The following RBFOX1 variants were observed in gnomAD, a reference collection of about 807,000 sequenced individuals.
The protein encoded by RBFOX1 is RNA binding protein fox-1 homolog 1.
A neutral mutation model predicts 57.7 loss-of-function variants in RBFOX1; 8 were observed. The ratio of observed to expected loss-of-function variants is 0.14; its 90% CI spans 0.08 to 0.25. RBFOX1 has a LOEUF of 0.25. RBFOX1 is among the 10% of genes least tolerant of loss of function. The pLI is 1.00. For missense variants in RBFOX1, 611 were observed against 548.5 expected, an observed-to-expected ratio of 1.11 and a Z score of -1.14; for synonymous variants, 326 against 222.4, an observed-to-expected ratio of 1.47 and a Z score of -4.15.
At chr16:6,458,026 C>G (rs942798246) in intron 2 of RBFOX1, among the ~76,000 whole-genome samples, 3 of 146,682 alleles carry the variant, frequency 2.0e-5, no homozygotes, top group African/African-American at 7.5e-5. Context: ...AAAAAAGAAT[C>G]TCTTTGATGT....
chr16:6,128,305 A>C (rs2096604661), intron 1 of RBFOX1, among the ~76,000 whole-genome samples: 1 of 152,172 alleles, frequency 6.6e-6, no homozygotes, highest in Non-Finnish European at 1.5e-5. Flanking sequence ...TATATCTTAC[A>C]TTATGTTTTT....
At chr16:6,982,329 A>G (rs992998808) in intron 3 of RBFOX1, among the ~76,000 whole-genome samples, 24 of 152,086 alleles carry the variant, frequency 1.6e-4, no homozygotes, top group African/African-American at 5.8e-4. Context: ...ACCCATTCCC[A>G]TTGTTGGCCA....
chr16:6,967,661 A>G (rs1357515718), intron 3 of RBFOX1, among the ~76,000 whole-genome samples: 1 of 151,902 alleles, frequency 6.6e-6, no homozygotes, highest in Non-Finnish European at 1.5e-5. Context: ...CAGTAATTAT[A>G]TTGCTCTTCT....
chr16:6,725,276 C>T (rs9934913), intron 3 of RBFOX1, among the ~76,000 whole-genome samples: 5,292 of 151,830 alleles, frequency 0.035, 290 homozygotes, highest in Admixed American at 0.12. Context: ...TGGTCTGGAT[C>T]TCCTGACCTC....
rs541602318 is a variant in RBFOX1 at position 5,342,941 on chromosome 16, C to T, written c.219+102836C>T. Among the ~76,000 whole-genome samples the T allele has an allele frequency of 9.3e-4, 141 of 152,220 alleles. 1 individual carries two copies. The highest frequency in any genetic ancestry group is 2.4e-3 in the African/African-American group (101 of 41,524). On this transcript the variant is annotated intron_variant, in intron 1 of 2. Transcript: ENST00000585867. Reference sequence around the variant, plus strand: ...CAAGCCAAGATGAGTTCTAATTAGACCTAAGCCATCTGGGTAATTTCTCTT... The same window carrying T: ...CAAGCCAAGATGAGTTCTAATTAGATCTAAGCCATCTGGGTAATTTCTCTT...
intron 3 of RBFOX1, among the ~76,000 whole-genome samples, chr16:6,931,926 G>C (rs2076626739): frequency 6.6e-6 from 1 of 152,154 alleles, no homozygotes; most frequent in African/African-American, 2.4e-5. Flanking sequence ...CGAGGAGTAA[G>C]CAAGAGAACC....
At chr16:5,768,711 G>A (rs76906798) in intron 3 of RBFOX1, among the ~76,000 whole-genome samples, 6,470 of 152,186 alleles carry the variant, frequency 0.043, 209 homozygotes, top group East Asian at 0.11. Context: ...CCCAGCCCAC[G>A]TAGGTGCTGT....
intron 1 of RBFOX1, among the ~76,000 whole-genome samples, chr16:5,377,130 A>T (rs895737610): frequency 1.3e-5 from 2 of 151,632 alleles, no homozygotes; most frequent in African/African-American, 4.9e-5. Flanking sequence ...AGTTGAAAGC[A>T]CTGGTTGAGC....
intron 3 of RBFOX1, among the ~76,000 whole-genome samples, chr16:6,956,677 C>G (rs1026161842): frequency 6.6e-6 from 1 of 152,198 alleles, no homozygotes; most frequent in East Asian, 1.9e-4. Flanking sequence ...TTATCTATTG[C>G]ATCATATCAA....
intron 5 of RBFOX1, among the ~76,000 whole-genome samples, chr16:7,564,103 A>C (rs1340905784): frequency 6.6e-6 from 1 of 152,130 alleles, no homozygotes; most frequent in Non-Finnish European, 1.5e-5. Flanking sequence ...TGTAACCACC[A>C]AAGGGATGGT....
At chr16:7,453,931 G>T (rs9922253) in intron 4 of RBFOX1, among the ~76,000 whole-genome samples, 2 of 151,762 alleles carry the variant, frequency 1.3e-5, no homozygotes, top group Non-Finnish European at 2.9e-5. Context: ...TCTGGTAGGG[G>T]GATTAAGAAA....
intron 4 of RBFOX1, among the ~76,000 whole-genome samples, chr16:5,978,581 A>G (rs185184286): frequency 6.6e-6 from 1 of 152,220 alleles, no homozygotes; most frequent in Admixed American, 6.5e-5. Flanking sequence ...ATCCAAGTCC[A>G]GGTACCACAT....
intron 1 of RBFOX1, among the ~76,000 whole-genome samples, chr16:5,255,405 C>T (rs2062567453): frequency 6.6e-6 from 1 of 151,984 alleles, no homozygotes; most frequent in Non-Finnish European, 1.5e-5. Flanking sequence ...TCCATCCACC[C>T]ACCTACCCAT....
intron 3 of RBFOX1, among the ~76,000 whole-genome samples, chr16:5,839,756 A>G (rs1364343750): frequency 6.6e-6 from 1 of 152,100 alleles, no homozygotes; most frequent in African/African-American, 2.4e-5. Flanking sequence ...ACAACCTCCC[A>G]CTGTGTTTCA....
intron 4 of RBFOX1, among the ~76,000 whole-genome samples, chr16:7,142,212 T>C (rs780991386): frequency 6.6e-6 from 1 of 152,014 alleles, no homozygotes. Flanking sequence ...TTTGTAAAGA[T>C]GGGGTTTCAT....
intron 3 of RBFOX1, among the ~76,000 whole-genome samples, chr16:7,004,756 C>A (rs1277230391): frequency 6.6e-6 from 1 of 152,114 alleles, no homozygotes; most frequent in African/African-American, 2.4e-5. Context: ...CTGTGAGACA[C>A]CAAGGATTGG....
intron 5 of RBFOX1, among the ~76,000 whole-genome samples, chr16:7,525,047 T>C (rs1345278089): frequency 6.6e-6 from 1 of 152,204 alleles, no homozygotes; most frequent in Non-Finnish European, 1.5e-5. Flanking sequence ...AATGAGTTAC[T>C]AATACCTTAT....
intron 3 of RBFOX1, among the ~76,000 whole-genome samples, chr16:6,714,434 T>C (rs905016092): frequency 1.3e-5 from 2 of 152,138 alleles, no homozygotes; most frequent in East Asian, 3.9e-4. Flanking sequence ...GACCACTATA[T>C]GGAAGTGAAG....
chr16:7,439,567 C>T (rs1258631938), intron 4 of RBFOX1, among the ~76,000 whole-genome samples: 3 of 152,102 alleles, frequency 2.0e-5, no homozygotes, highest in African/African-American at 4.8e-5. Flanking sequence ...AGAAAGGCAA[C>T]GAGGAGAGCA....
Sources: allele counts gnomAD v4.1 joint callset (sites outside exome capture counted in the v4.1 genomes callset), GRCh38; gene constraint gnomAD v4.1.1; transcripts MANE v1.5; gene names NCBI Gene and HGNC (gene_info 2026-07-23, HGNC 2026-07-21).